CNTN4: variants seen among roughly 807,000 people sequenced by gnomAD.
The protein encoded by CNTN4 is contactin 4.
CNTN4 carries 77 observed loss-of-function variants against 122.5 expected under a neutral mutation model. The ratio of observed to expected loss-of-function variants is 0.63; its 90% CI spans 0.52 to 0.76. The LOEUF (loss-of-function observed/expected upper bound fraction) is 0.76, where lower values mean the gene tolerates loss of function less well. CNTN4 is among the 30% of genes least tolerant of loss of function. CNTN4 has a pLI of 0.00. For synonymous variants in CNTN4, 512 were observed against 447.0 expected, an observed-to-expected ratio of 1.15 and a Z score of -1.83; for missense variants, 1,256 against 1,259.1, an observed-to-expected ratio of 1.00 and a Z score of 0.04.
At chr3:2,132,494 T>C (rs1386479715) in intron 2 of CNTN4, 1 of 152,136 alleles carries the variant, frequency 6.6e-6, no homozygotes, top group African/African-American at 2.4e-5. Context: ...CAAATGAAGG[T>C]GAGCAGCTGT....
intron 2 of CNTN4, among the ~76,000 whole-genome samples, chr3:2,103,935 G>A (rs2032210218): frequency 1.3e-5 from 2 of 152,080 alleles, no homozygotes; most frequent in African/African-American, 2.4e-5. Flanking sequence ...ATGTGTAGTG[G>A]TCAATAGTAA....
At chr3:2,275,784 G>C (rs1190448794) in intron 2 of CNTN4, among the ~76,000 whole-genome samples, 1 of 151,760 alleles carries the variant, frequency 6.6e-6, no homozygotes, top group African/African-American at 2.4e-5. Context: ...GCCGGGCGTG[G>C]TGGTGTGTGC....
intron 3 of CNTN4, among the ~76,000 whole-genome samples, chr3:2,560,110 C>T (rs1172852345): frequency 1.3e-5 from 2 of 151,608 alleles, no homozygotes; most frequent in African/African-American, 2.4e-5. Flanking sequence ...CCAACCTCCA[C>T]TTATATTGTT....
At chr3:2,317,123 G>T (rs914306200) in intron 2 of CNTN4, among the ~76,000 whole-genome samples, 5 of 152,130 alleles carry the variant, frequency 3.3e-5, no homozygotes, top group Non-Finnish European at 5.9e-5. Context: ...TAGCATAATT[G>T]TATGGACTAC....
At chr3:2,458,762 A>G (rs1325943922) in intron 3 of CNTN4, among the ~76,000 whole-genome samples, 3 of 152,084 alleles carry the variant, frequency 2.0e-5, no homozygotes, top group Admixed American at 1.3e-4. Context: ...TCCTTTTTAA[A>G]TGGATTTTTT....
chr3:2,461,702 G>A (rs2049218172), intron 3 of CNTN4, among the ~76,000 whole-genome samples: 1 of 152,182 alleles, frequency 6.6e-6, no homozygotes, highest in Non-Finnish European at 1.5e-5. Flanking sequence ...TTAATATAGT[G>A]TAAATAACAA....
chr3:2,900,580 A>G (rs2151129252), intron 10 of CNTN4, 105 bp from the exon 11 acceptor site: 1 of 1,292,866 alleles, frequency 7.7e-7, no homozygotes, highest in Non-Finnish European at 1.1e-6. Context: ...CATCTGGAAA[A>G]GGAATTTTAT....
intron 13 of CNTN4, among the ~76,000 whole-genome samples, chr3:2,932,672 A>G (rs1023213071): frequency 2.0e-5 from 3 of 152,120 alleles, no homozygotes; most frequent in African/African-American, 7.2e-5. Context: ...TACATACGTC[A>G]CTGGAGCATC....
chr3:2,928,216 CTG>C (rs1311457151), intron 13 of CNTN4, among the ~76,000 whole-genome samples: 2 of 152,168 alleles, frequency 1.3e-5, no homozygotes, highest in Non-Finnish European at 2.9e-5. Context: ...ACAATATAAA[CTG>C]TGTGCTTATA....
At chr3:2,409,848 A>G (rs1180496646) in intron 3 of CNTN4, among the ~76,000 whole-genome samples, 2 of 151,952 alleles carry the variant, frequency 1.3e-5, no homozygotes, top group Non-Finnish European at 2.9e-5. Flanking sequence ...GTTATATGTA[A>G]TTTTCTAAAT....
intron 4 of CNTN4, among the ~76,000 whole-genome samples, chr3:2,724,027 A>G (rs2088038293): frequency 6.6e-6 from 1 of 152,212 alleles, no homozygotes; most frequent in Non-Finnish European, 1.5e-5. Context: ...TTATGTACTC[A>G]GTAAATGATG....
rs568263340 is a variant in CNTN4, at chr3:2,132,725, CA to C, written c.-145+32087del. Reference sequence around the variant, plus strand: ...ATTTTCTCACTCGTATTTATATTTTCACAATGAATGGGGTTTTCTCTAATAA... The same window carrying C: ...ATTTTCTCACTCGTATTTATATTTTCCAATGAATGGGGTTTTCTCTAATAA... On this transcript the variant is annotated intron_variant, in intron 2 of 24. Coordinates refer to ENST00000418658, the MANE Select transcript of CNTN4 (RefSeq NM_175607.3). Among the ~76,000 whole-genome samples the C allele has an allele frequency of 1.5e-3, 222 of 152,186 alleles. 1 individual carries two copies. Among genetic ancestry groups the C allele is most frequent in the Non-Finnish European group, 2.4e-3 (160 of 68,012 alleles).
At chr3:3,005,749 A>G (rs1404930241) in intron 14 of CNTN4, among the ~76,000 whole-genome samples, 1 of 142,174 alleles carries the variant, frequency 7.0e-6, no homozygotes, top group Non-Finnish European at 1.6e-5. Context: ...TGAGGGATCT[A>G]CCCTCATGAC....
chr3:3,028,838 ATGGGTCTACTTATATG>A (rs1305948226), intron 15 of CNTN4, among the ~76,000 whole-genome samples: 12 of 152,168 alleles, frequency 7.9e-5, no homozygotes, highest in Admixed American at 5.9e-4. Context: ...TTTGAGCTGT[ATGGGTCTACTTATATG>A]TGGATTTTTT....
chr3:2,984,416 TG>T (rs1375148228), intron 13 of CNTN4, among the ~76,000 whole-genome samples: 2 of 152,046 alleles, frequency 1.3e-5, no homozygotes, highest in South Asian at 2.1e-4. Context: ...TGTCATGACG[TG>T]GGGAAGGGTT....
At chr3:2,892,122 G>A (rs1186197374) in intron 10 of CNTN4, 1 of 152,208 alleles carries the variant, frequency 6.6e-6, no homozygotes, top group African/African-American at 2.4e-5. Flanking sequence ...AAAAAACAGA[G>A]CTAGATTTCG....
intron 3 of CNTN4, among the ~76,000 whole-genome samples, chr3:2,375,046 TATG>T (rs529203090): frequency 1.9e-4 from 29 of 152,336 alleles, no homozygotes; most frequent in Middle Eastern, 3.4e-3. Flanking sequence ...CATCTGACAA[TATG>T]ATATCTTAGA....
At chr3:2,318,313 C>T (rs1049227676) in intron 2 of CNTN4, among the ~76,000 whole-genome samples, 3 of 151,444 alleles carry the variant, frequency 2.0e-5, no homozygotes, top group African/African-American at 7.3e-5. Flanking sequence ...ATATAATATG[C>T]TAGAAAAACA....
At chr3:2,134,425 T>A (rs534896086) in intron 2 of CNTN4, among the ~76,000 whole-genome samples, 60 of 152,246 alleles carry the variant, frequency 3.9e-4, no homozygotes, top group African/African-American at 1.4e-3. Flanking sequence ...GTCTGACACA[T>A]GGAAAAGCTA....
Sources: gnomAD v4.1 joint callset for allele counts (sites outside exome capture counted in the v4.1 genomes callset) on GRCh38, gnomAD v4.1.1 for gene constraint, MANE v1.5 for transcripts, NCBI Gene and HGNC (gene_info 2026-07-23, HGNC 2026-07-21) for gene names.